Variants in SLC41A1 observed in about 807,000 individuals in gnomAD.
The protein encoded by SLC41A1 is solute carrier family 41 member 1.
Under a neutral mutation model 47.3 loss-of-function variants are expected in SLC41A1, and 20 were observed. That is an observed-to-expected ratio of 0.42 (90% CI 0.30 to 0.61). The LOEUF is 0.61. Ranked by LOEUF, SLC41A1 falls within the 20% of genes least tolerant of loss-of-function variation. The pLI is 0.17. For missense variants in SLC41A1, 504 were observed against 674.1 expected (o/e 0.75, Z 2.79); for synonymous variants, 282 against 272.7 (o/e 1.03, Z -0.34).
At chr1:205,795,586 G>A in intron 8 of SLC41A1, 108 bp from the exon 9 acceptor site, 3 of 1,384,894 alleles carry the variant, frequency 2.2e-6, no homozygotes, top group Non-Finnish European at 3.0e-6. Flanking sequence ...ACTGTCCTCT[G>A]TCTTAATTTA....
intron 2 of SLC41A1, among the ~76,000 whole-genome samples, chr1:205,803,542 T>C (rs967218839): frequency 6.6e-6 from 1 of 152,010 alleles, no homozygotes; most frequent in Admixed American, 6.6e-5. Context: ...TGGATGAACC[T>C]TGAGGACATT....
In SLC41A1 at chr1:205,805,638, C is replaced by A. The variant is rs183331188; in HGVS notation, c.372+4432G>T. ...TTTTAACTACTTCTCAGAAATGCAG[C>A]TCCTCATCTCTTTCCTTCTCTAACC... On this transcript the variant is annotated intron_variant, in intron 2 of 10. Transcript: ENST00000367137. 8.6e-4 allele frequency among the ~76,000 whole-genome samples: 131 copies of A among 152,314 alleles called. No individual in the cohort carries two copies. The Middle Eastern group carries it at 0.017, about 20-fold the overall frequency.
chr1:205,798,626 A>G, intron 6 of SLC41A1, 43 bp downstream of exon 6: 8 of 1,613,698 alleles, frequency 5.0e-6, no homozygotes, highest in Non-Finnish European at 5.9e-6. Context: ...ATCTCTCCCA[A>G]CCCCACCCAG....
Position 205,812,994 on chromosome 1 carries a change from G to A in SLC41A1, c.-833C>T. 1.0e-6 allele frequency: 1 copy of A among 985,684 alleles called. No homozygotes were observed. Among genetic ancestry groups the A allele is most frequent in the East Asian group, 1.1e-4 (1 of 8,804 alleles). The allele number at this position is 985,684 out of a possible 1,614,324, so 61.1% of individuals were successfully genotyped here. On this transcript the variant is annotated 5_prime_UTR_variant, in exon 1 of 11. Transcript: ENST00000367137. ...CGCGACACCCGGCTCGCTACATTTC[G>A]CTTCTGCGTTACAGCGAGGCCGCCG...
intron 10 of SLC41A1, among the ~76,000 whole-genome samples, chr1:205,793,528 C>T (rs538650714): frequency 2.4e-4 from 36 of 152,346 alleles, no homozygotes; most frequent in African/African-American, 8.7e-4. Context: ...TGATTCTCAG[C>T]CCCGCCCCTG....
rs902419956 is a variant in SLC41A1, at chr1:205,791,052, C to T, written c.*481G>A. 2.6e-5 allele frequency: 6 copies of T among 227,856 alleles called. No homozygotes were observed. Among genetic ancestry groups the T allele is most frequent in the East Asian group, 2.3e-4 (2 of 8,860 alleles). 14.1% of individuals were successfully genotyped at this position (227,856 alleles called of 1,614,324 possible). A position where few individuals can be genotyped will look rare whatever the true frequency, so the allele number is the denominator to read the frequency against. ...GAGCTTTGAAGTTGGTCCACTTCTACAAAAGTATGTCTGTGTTTGGGAGTG... is the reference window on the plus strand; with the variant it reads ...GAGCTTTGAAGTTGGTCCACTTCTATAAAAGTATGTCTGTGTTTGGGAGTG... On this transcript the variant is annotated 3_prime_UTR_variant, in exon 11 of 11. Coordinates refer to ENST00000367137, the MANE Select transcript of SLC41A1 (RefSeq NM_173854.6). The surrounding 1 kb of genome is among the most constrained non-coding windows in gnomAD (Gnocchi z 4.0).
chr1:205,795,617 C>G, intron 8 of SLC41A1, 139 bp from the exon 9 acceptor site: 1 of 1,051,366 alleles, frequency 9.5e-7, no homozygotes, highest in Non-Finnish European at 1.4e-6. Context: ...GGGCATCACC[C>G]ATTCACCAGT....
rs899892934 is a variant in SLC41A1 at position 205,813,198 on chromosome 1, T to C, written c.-1037A>G. On this transcript the variant is annotated 5_prime_UTR_variant, in exon 1 of 11. Coordinates refer to ENST00000367137, the MANE Select transcript of SLC41A1 (RefSeq NM_173854.6). ...GTGGCAAACGTGATCTGGGGCAGACTGGGTGGCACCCCCCCCGCTCCATCA... is the reference window on the plus strand; with the variant it reads ...GTGGCAAACGTGATCTGGGGCAGACCGGGTGGCACCCCCCCCGCTCCATCA... 2.0e-6 allele frequency: 2 copies of C among 985,132 alleles called. No individual in the cohort carries two copies. The highest frequency in any genetic ancestry group is 1.8e-5 in the African/African-American group (1 of 57,068). 61.0% of individuals were successfully genotyped at this position (985,132 alleles called of 1,614,324 possible).
At position 205,791,280 on chromosome 1, in the gene SLC41A1, C is replaced by A; in HGVS notation, c.*253G>T. On this transcript the variant is annotated 3_prime_UTR_variant, in exon 11 of 11. Coordinates refer to ENST00000367137, the MANE Select transcript of SLC41A1 (RefSeq NM_173854.6). The surrounding 1 kb of genome is among the most constrained non-coding windows in gnomAD (Gnocchi z 4.0). The stretch of plus-strand genomic sequence containing the variant: ...GTCCACATCACCTGGAGGCACCCAC[C>A]ATGAAACTGCACTTGGTGATTGTCT... 2.0e-6 allele frequency: 1 copy of A among 493,262 alleles called. No individual in the cohort carries two copies. The highest frequency in any genetic ancestry group is 3.7e-6 in the Non-Finnish European group (1 of 270,942). 30.6% of individuals were successfully genotyped at this position (493,262 alleles called of 1,614,324 possible).
chr1:205,806,118 T>C (rs1656008943), intron 2 of SLC41A1, among the ~76,000 whole-genome samples: 1 of 152,174 alleles, frequency 6.6e-6, no homozygotes, highest in Non-Finnish European at 1.5e-5. Context: ...AGGCATCCTC[T>C]AGGTGTCCAG....
intron 10 of SLC41A1, among the ~76,000 whole-genome samples, chr1:205,792,639 T>C (rs61822593): frequency 0.067 from 10,277 of 152,268 alleles, 378 homozygotes; most frequent in African/African-American, 0.082. Context: ...AAGTTGGCGA[T>C]GCCCTTGATC....
Position 205,812,940 on chromosome 1 carries a change from C to CA in SLC41A1, c.-780dup. On this transcript the variant is annotated 5_prime_UTR_variant, in exon 1 of 11. Transcript: ENST00000367137. Reference sequence around the variant, plus strand: ...CTCCTTGGCCCCCGGCGTGCCCCCCCACACCCCCAGCCAAGGCGAGCGTCC... The same window carrying CA: ...CTCCTTGGCCCCCGGCGTGCCCCCCCAACACCCCCAGCCAAGGCGAGCGTCC... The CA allele has an allele frequency of 2.0e-6, 2 of 985,850 alleles. No homozygotes were observed. The highest frequency in any genetic ancestry group is 1.7e-5 in the African/African-American group (1 of 57,380). 61.1% of individuals were successfully genotyped at this position (985,850 alleles called of 1,614,324 possible). A position where few individuals can be genotyped will look rare whatever the true frequency, so the allele number is the denominator to read the frequency against.
chr1:205,812,636 C>A, intron 1 of SLC41A1, 172 bp downstream of exon 1: 1 of 529,472 alleles, frequency 1.9e-6, no homozygotes, highest in Non-Finnish European at 2.4e-6. Context: ...TCCCCTCCTC[C>A]CAGGCGGGGA....
chr1:205,807,553 T>C (rs965903293), intron 2 of SLC41A1, among the ~76,000 whole-genome samples: 1 of 152,090 alleles, frequency 6.6e-6, no homozygotes, highest in Non-Finnish European at 1.5e-5. Context: ...TAAGAACTTT[T>C]ATTCTTGCTC....
At chr1:205,795,507 AG>A in intron 8 of SLC41A1, 29 bp from the exon 9 acceptor site, 2 of 1,614,014 alleles carry the variant, frequency 1.2e-6, no homozygotes, top group East Asian at 2.2e-5. Context: ...GCTTAGACAC[AG>A]ACAGAGGTCA....
At chr1:205,803,862 C>A (rs1655948624) in intron 2 of SLC41A1, among the ~76,000 whole-genome samples, 1 of 152,058 alleles carries the variant, frequency 6.6e-6, no homozygotes, top group Admixed American at 6.6e-5. Context: ...CTCAAAGGAT[C>A]CTCTCGCCTC....
At chr1:205,798,147 C>T (rs774206593) in intron 6 of SLC41A1, 96 bp from the exon 7 acceptor site, 25 of 1,531,148 alleles carry the variant, frequency 1.6e-5, no homozygotes, top group South Asian at 3.5e-5. Flanking sequence ...AGATCAATAG[C>T]AAGACTACAC....
At chr1:205,812,432 T>C (rs1193283827) in intron 1 of SLC41A1, among the ~76,000 whole-genome samples, 3 of 152,160 alleles carry the variant, frequency 2.0e-5, no homozygotes, top group Non-Finnish European at 4.4e-5. Flanking sequence ...AGTGCCCCTA[T>C]GCCAGAAAAG....
Position 205,791,460 on chromosome 1 carries a change from G to A in SLC41A1, c.*73C>T. The A allele has an allele frequency of 1.3e-6, 2 of 1,559,212 alleles. No individual in the cohort carries two copies. The highest frequency in any genetic ancestry group is 2.3e-5 in the South Asian group (2 of 88,336). ...AAAGAGGTGGGAGTGTGGGGTGGAG[G>A]AGGGACAGGGGAACAAAAGAAAAAT... On this transcript the variant is annotated 3_prime_UTR_variant, in exon 11 of 11. Coordinates refer to ENST00000367137, the MANE Select transcript of SLC41A1 (RefSeq NM_173854.6). The surrounding 1 kb of genome is among the most constrained non-coding windows in gnomAD (Gnocchi z 4.0).
Sources: gnomAD v4.1 joint callset for allele counts (sites outside exome capture counted in the v4.1 genomes callset) on GRCh38, gnomAD v4.1.1 for gene constraint, Gnocchi (gnomAD v3.1) non-coding constraint, MANE v1.5 for transcripts, NCBI Gene and HGNC (gene_info 2026-07-23, HGNC 2026-07-21) for gene names.